Variants in NEMP2 observed in about 807,000 individuals in gnomAD.
The protein encoded by NEMP2 is UPF0571 transmembrane protein.
NEMP2 carries 53 observed loss-of-function variants against 54.2 expected under a neutral mutation model. That is an observed-to-expected ratio of 0.98 (90% confidence interval 0.78 to 1.23). The LOEUF (loss-of-function observed/expected upper bound fraction) is 1.23. Ranked by LOEUF, NEMP2 falls within the 50% of genes most tolerant of loss-of-function variation. NEMP2 has a pLI of 0.00. For synonymous variants in NEMP2, 197 were observed against 190.3 expected (o/e 1.04, Z -0.29); for missense variants, 455 against 511.3 (o/e 0.89, Z 1.06).
At chr2:190,642,970 T>G in the NEMP2 span, among the ~76,000 whole-genome samples, 1 of 151,906 alleles carries the variant, frequency 6.6e-6, no homozygotes, top group Non-Finnish European at 1.5e-5. This position sits in a 1 kb window ranked among gnomAD's most constrained non-coding sequence, Gnocchi z 4.1. Context: ...TCTTACATTT[T>G]TTTTTTTTCA....
the NEMP2 span, among the ~76,000 whole-genome samples, chr2:190,590,619 G>A: frequency 1.3e-5 from 2 of 152,138 alleles, no homozygotes; most frequent in Non-Finnish European, 2.9e-5. The surrounding 1 kb of genome is among the most constrained non-coding windows in gnomAD (Gnocchi z 5.1). Flanking sequence ...TTTACTCTCA[G>A]TTGCTTCCTG....
chr2:190,622,320 A>G, the NEMP2 span, among the ~76,000 whole-genome samples: 1 of 150,088 alleles, frequency 6.7e-6, no homozygotes, highest in East Asian at 2.0e-4. Context: ...AGGTGGGAGG[A>G]TCTCCTGAGC....
chr2:190,431,526 A>T, the NEMP2 span, among the ~76,000 whole-genome samples: 1 of 152,206 alleles, frequency 6.6e-6, no homozygotes, highest in African/African-American at 2.4e-5. This position sits in a 1 kb window ranked among gnomAD's most constrained non-coding sequence, Gnocchi z 4.4. Context: ...AACACAGCGA[A>T]ACCCCGTCTC....
the NEMP2 span, among the ~76,000 whole-genome samples, chr2:190,594,660 T>A: frequency 1.4e-4 from 21 of 152,184 alleles, no homozygotes; most frequent in Admixed American, 5.9e-4. This position sits in a 1 kb window ranked among gnomAD's most constrained non-coding sequence, Gnocchi z 5.6. Flanking sequence ...CTTGAACTCC[T>A]GGGCTCAAGA....
chr2:190,608,906 A>C, the NEMP2 span: 1 of 152,184 alleles, frequency 6.6e-6, no homozygotes. This position sits in a 1 kb window ranked among gnomAD's most constrained non-coding sequence, Gnocchi z 4.9. Context: ...CGTATGTATA[A>C]AAAGAAAATA....
At chr2:190,432,840 A>T in the NEMP2 span, among the ~76,000 whole-genome samples, 1,963 of 136,976 alleles carry the variant, frequency 0.014, 26 homozygotes, top group Non-Finnish European at 0.022. Flanking sequence ...ACACACACAC[A>T]CTCTCTCTCT....
the NEMP2 span, among the ~76,000 whole-genome samples, chr2:190,496,484 C>A: frequency 3.4e-4 from 52 of 152,154 alleles, no homozygotes; most frequent in Non-Finnish European, 1.3e-4. This position sits in a 1 kb window ranked among gnomAD's most constrained non-coding sequence, Gnocchi z 4.7. Flanking sequence ...TACTGGGTAT[C>A]TACCCAGAGG....
chr2:190,583,231 CTTTTTTTTT>C, the NEMP2 span, among the ~76,000 whole-genome samples: 1 of 141,700 alleles, frequency 7.1e-6, no homozygotes, highest in Non-Finnish European at 1.6e-5. Context: ...AGTCATAGGT[CTTTTTTTTT>C]TTTTTTTAAT....
chr2:190,445,214 T>C, the NEMP2 span, among the ~76,000 whole-genome samples: 1 of 152,186 alleles, frequency 6.6e-6, no homozygotes, highest in East Asian at 1.9e-4. Context: ...TACAGGAGAA[T>C]TGATGCAAAG....
chr2:190,558,888 A>C, the NEMP2 span, among the ~76,000 whole-genome samples: 1 of 152,218 alleles, frequency 6.6e-6, no homozygotes, highest in East Asian at 1.9e-4. This position sits in a 1 kb window ranked among gnomAD's most constrained non-coding sequence, Gnocchi z 4.4. Flanking sequence ...TATGGATAGC[A>C]TATATATATG....
the NEMP2 span, among the ~76,000 whole-genome samples, chr2:190,461,111 G>A: frequency 6.6e-6 from 1 of 152,134 alleles, no homozygotes; most frequent in Non-Finnish European, 1.5e-5. The surrounding 1 kb of genome is among the most constrained non-coding windows in gnomAD (Gnocchi z 5.5). Flanking sequence ...CAAAAGAAAG[G>A]AATAATTTAA....
At chr2:190,632,613 T>C in the NEMP2 span, among the ~76,000 whole-genome samples, 7 of 152,242 alleles carry the variant, frequency 4.6e-5, no homozygotes, top group Non-Finnish European at 1.0e-4. The surrounding 1 kb of genome is among the most constrained non-coding windows in gnomAD (Gnocchi z 4.8). Context: ...CCTTTCCAGA[T>C]GGTCAGGGCT....
the NEMP2 span, among the ~76,000 whole-genome samples, chr2:190,493,033 A>G: frequency 6.6e-6 from 1 of 152,162 alleles, no homozygotes; most frequent in Non-Finnish European, 1.5e-5. Flanking sequence ...TCACATTTCA[A>G]TACTAACATT....
chr2:190,496,581 CATCA>C, the NEMP2 span, among the ~76,000 whole-genome samples: 1 of 152,066 alleles, frequency 6.6e-6, no homozygotes, highest in Non-Finnish European at 1.5e-5. The surrounding 1 kb of genome is among the most constrained non-coding windows in gnomAD (Gnocchi z 4.7). Flanking sequence ...CCCAAATGCC[CATCA>C]ATCAATGAGT....
chr2:190,604,164 C>A, the NEMP2 span, among the ~76,000 whole-genome samples: 171 of 152,302 alleles, frequency 1.1e-3, no homozygotes, highest in Non-Finnish European at 2.0e-3. The surrounding 1 kb of genome is among the most constrained non-coding windows in gnomAD (Gnocchi z 4.5). Flanking sequence ...TTCTCTCCCC[C>A]ACTTTATTCT....
intron 5 of NEMP2, among the ~76,000 whole-genome samples, chr2:190,516,883 G>A (rs919265424): frequency 6.6e-6 from 1 of 152,104 alleles, no homozygotes. Flanking sequence ...TGGAGCTCAG[G>A]AGTTCAAGAC....
At chr2:190,473,092 A>C in the NEMP2 span, among the ~76,000 whole-genome samples, 1 of 152,238 alleles carries the variant, frequency 6.6e-6, no homozygotes, top group Non-Finnish European at 1.5e-5. Flanking sequence ...GGAAGCACTA[A>C]ACATGGAAAG....
At chr2:190,490,108 T>C in the NEMP2 span, among the ~76,000 whole-genome samples, 4 of 152,204 alleles carry the variant, frequency 2.6e-5, no homozygotes, top group African/African-American at 2.4e-5. The surrounding 1 kb of genome is among the most constrained non-coding windows in gnomAD (Gnocchi z 4.5). Flanking sequence ...TTTTCTTTTA[T>C]AATACAAGGT....
At chr2:190,496,939 A>G in the NEMP2 span, among the ~76,000 whole-genome samples, 16 of 152,200 alleles carry the variant, frequency 1.1e-4, no homozygotes, top group Non-Finnish European at 1.9e-4. This position sits in a 1 kb window ranked among gnomAD's most constrained non-coding sequence, Gnocchi z 4.7. Context: ...GAGGGATACA[A>G]GACTACAAAT....
Sources: gnomAD v4.1 joint callset for allele counts (sites outside exome capture counted in the v4.1 genomes callset) on GRCh38, gnomAD v4.1.1 for gene constraint, Gnocchi (gnomAD v3.1) non-coding constraint, MANE v1.5 for transcripts, NCBI Gene and HGNC (gene_info 2026-07-23, HGNC 2026-07-21) for gene names.